HIPK2: variants seen among roughly 807,000 people sequenced by gnomAD.
HIPK2 encodes homeodomain interacting protein kinase 2, also known as homeodomain-interacting protein kinase 2.
In HIPK2, 27 loss-of-function variants were observed where a neutral mutation model predicts 113.7. The observed-to-expected ratio is 0.24, with a 90% CI of 0.17 to 0.33. The LOEUF (loss-of-function observed/expected upper bound fraction) is 0.33, where lower values mean the gene tolerates loss of function less well. HIPK2 is among the 10% of genes least tolerant of loss of function. The probability of loss-of-function intolerance (pLI) is 1.00; values close to 1 mark genes in which losing one functional copy is unlikely to be tolerated. For synonymous variants in HIPK2, 631 were observed against 642.2 expected, an observed-to-expected ratio of 0.98 and a Z score of 0.26; for missense variants, 1,257 against 1,588.0, an observed-to-expected ratio of 0.79 and a Z score of 3.54.
At chr7:139,614,700 C>T (rs1193573377) in intron 7 of HIPK2, among the ~76,000 whole-genome samples, 2 of 152,162 alleles carry the variant, frequency 1.3e-5, no homozygotes, top group Non-Finnish European at 2.9e-5. Flanking sequence ...ACATGGGAGA[C>T]AGTCACCTTG....
chr7:139,752,620 T>G (rs1796296235), intron 1 of HIPK2, among the ~76,000 whole-genome samples: 1 of 151,946 alleles, frequency 6.6e-6, no homozygotes. Context: ...AGACTTCTTT[T>G]CTTTTTGAGG....
intron 11 of HIPK2, among the ~76,000 whole-genome samples, chr7:139,598,397 T>C (rs947234969): frequency 6.6e-6 from 1 of 152,256 alleles, no homozygotes; most frequent in South Asian, 2.1e-4. Flanking sequence ...TTCACTGATA[T>C]GATTGTACCA....
intron 1 of HIPK2, among the ~76,000 whole-genome samples, chr7:139,717,557 G>A (rs938968051): frequency 1.6e-4 from 24 of 152,244 alleles, no homozygotes; most frequent in Non-Finnish European, 3.5e-4. Context: ...CATCGATTCT[G>A]TAGGGTTTAG....
At position 139,741,815 on chromosome 7, in the gene HIPK2, CT is replaced by C. The variant is rs1489234434; in HGVS notation, c.20-24801del. On this transcript the variant is annotated intron_variant, in intron 1 of 14. Transcript: ENST00000406875. The stretch of plus-strand genomic sequence containing the variant: ...TTTTGTTGTTTGTAATATGGTTCGT[CT>C]TTTGAAATCATAGATAAGTGGCACA... 2.0e-5 allele frequency among the ~76,000 whole-genome samples: 3 copies of C among 152,216 alleles called. No individual in the cohort carries two copies. In the East Asian group the frequency reaches 5.8e-4, roughly 29 times the overall value.
At chr7:139,726,892 A>G (rs1795593291) in intron 1 of HIPK2, among the ~76,000 whole-genome samples, 1 of 152,240 alleles carries the variant, frequency 6.6e-6, no homozygotes, top group Non-Finnish European at 1.5e-5. Flanking sequence ...CATGCCCCAA[A>G]GGGACTAAGA....
In HIPK2 at chr7:139,630,805, G is replaced by T. The variant is rs1800583425; in HGVS notation, c.1347+360C>A. Among the ~76,000 whole-genome samples, 1 of 152,126 alleles carries T rather than the reference G, an allele frequency of 6.6e-6. No individual in the cohort carries two copies. The highest frequency in any genetic ancestry group is 2.1e-4 in the South Asian group (1 of 4,820). ...CACACCCATTCTTGACCAGGAACAG[G>T]GCCCTTACTACAGTGGGCGGGAGCT... On this transcript the variant is annotated intron_variant, in intron 4 of 14. Coordinates refer to ENST00000406875, the MANE Select transcript of HIPK2 (RefSeq NM_022740.5). The surrounding 1 kb of genome is among the most constrained non-coding windows in gnomAD (Gnocchi z 4.0).
intron 7 of HIPK2, 40 bp downstream of exon 7, chr7:139,620,361 G>A: frequency 3.1e-6 from 5 of 1,611,462 alleles, no homozygotes; most frequent in Non-Finnish European, 4.2e-6. Flanking sequence ...GGCTCACACT[G>A]TGCAGCCCCG....
chr7:139,771,743 A>C (rs1796656031), intron 1 of HIPK2, among the ~76,000 whole-genome samples: 2 of 152,122 alleles, frequency 1.3e-5, no homozygotes, highest in South Asian at 4.1e-4. Context: ...CATTTTTTTA[A>C]ATAGGGAGAA....
intron 2 of HIPK2, among the ~76,000 whole-genome samples, chr7:139,715,568 T>C (rs1161707010): frequency 6.6e-6 from 1 of 152,222 alleles, no homozygotes; most frequent in African/African-American, 2.4e-5. Context: ...GTGTCCTTCT[T>C]GTCTCCTGTA....
At chr7:139,707,170 C>T (rs976672474) in intron 2 of HIPK2, among the ~76,000 whole-genome samples, 2 of 152,252 alleles carry the variant, frequency 1.3e-5, no homozygotes, top group South Asian at 2.1e-4. Context: ...CAGCATCACT[C>T]TCCCGATTCC....
At chr7:139,680,969 T>C (rs999778306) in intron 2 of HIPK2, among the ~76,000 whole-genome samples, 1 of 152,258 alleles carries the variant, frequency 6.6e-6, no homozygotes, top group African/African-American at 2.4e-5. Flanking sequence ...GGGTTTCCTG[T>C]GGAGAACATC....
rs1032136132 is a variant in HIPK2 at position 139,768,144 on chromosome 7, T to C, written c.19+9461A>G. Among the ~76,000 whole-genome samples, 19 of 152,126 alleles carry C rather than the reference T, an allele frequency of 1.2e-4. 1 individual carries two copies. The highest frequency in any genetic ancestry group is 2.1e-4 in the South Asian group (1 of 4,818). On this transcript the variant is annotated intron_variant, in intron 1 of 14. Coordinates refer to ENST00000406875, the MANE Select transcript of HIPK2 (RefSeq NM_022740.5). The stretch of plus-strand genomic sequence containing the variant: ...ACAGACCAGGAGTAGAGAGAGAGAA[T>C]TGGGTGGATGGCAGACTGGGGGCCT...
chr7:139,604,524 A>G (rs184745176), intron 9 of HIPK2, among the ~76,000 whole-genome samples: 207 of 152,074 alleles, frequency 1.4e-3, no homozygotes, highest in African/African-American at 4.9e-3. Flanking sequence ...TACTAAAAAT[A>G]CAAAAAATTA....
rs527805294 is a variant in HIPK2, at chr7:139,645,688, C to T, written c.1104-13963G>A. Among the ~76,000 whole-genome samples the T allele has an allele frequency of 9.2e-5, 14 of 152,276 alleles. No individual in the cohort carries two copies. In the South Asian group the frequency reaches 2.9e-3, roughly 32 times the overall value. ...GGTGAGGGGAGCCAGGTGGATGAGG[C>T]TGGCCTTGCTCTCTGGAGACGTGCA... is the stretch of plus-strand genomic sequence containing the variant. On this transcript the variant is annotated intron_variant, in intron 2 of 14. Transcript: ENST00000406875.
chr7:139,614,695 G>A (rs1294294708), intron 7 of HIPK2, among the ~76,000 whole-genome samples: 4 of 152,150 alleles, frequency 2.6e-5, no homozygotes, highest in Non-Finnish European at 4.4e-5. Context: ...TGAAAACATG[G>A]GAGACAGTCA....
intron 1 of HIPK2, among the ~76,000 whole-genome samples, chr7:139,745,183 G>A (rs1796169599): frequency 6.6e-6 from 1 of 152,180 alleles, no homozygotes; most frequent in African/African-American, 2.4e-5. Context: ...CTCACATCCA[G>A]GTCCCAGCTA....
At chr7:139,596,141 G>A (rs1799205338) in intron 12 of HIPK2, among the ~76,000 whole-genome samples, 2 of 152,224 alleles carry the variant, frequency 1.3e-5, no homozygotes, top group South Asian at 4.1e-4. Flanking sequence ...GCCAGGGTTA[G>A]TAGTTTTGTA....
intron 7 of HIPK2, among the ~76,000 whole-genome samples, chr7:139,620,089 T>C (rs554472400): frequency 6.6e-6 from 1 of 152,074 alleles, no homozygotes; most frequent in East Asian, 1.9e-4. Flanking sequence ...ACCAGGCACA[T>C]ATCAGGCATA....
chr7:139,770,629 C>A (rs534500518), intron 1 of HIPK2, among the ~76,000 whole-genome samples: 1 of 152,304 alleles, frequency 6.6e-6, no homozygotes, highest in African/African-American at 2.4e-5. Flanking sequence ...TCTCTCACTG[C>A]GGATGGACAG....
Sources: allele counts gnomAD v4.1 joint callset (sites outside exome capture counted in the v4.1 genomes callset), GRCh38; gene constraint gnomAD v4.1.1; non-coding constraint Gnocchi (gnomAD v3.1); transcripts MANE v1.5; gene names NCBI Gene and HGNC (gene_info 2026-07-23, HGNC 2026-07-21).